The following MARCHF1 variants were observed in gnomAD, a reference collection of about 807,000 sequenced individuals.
MARCHF1 encodes membrane associated ring-CH-type finger 1, also known as E3 ubiquitin-protein ligase MARCHF1.
In MARCHF1, 40 loss-of-function variants were observed where a neutral mutation model predicts 54.2. The observed-to-expected ratio is 0.74, with a 90% CI of 0.57 to 0.96. The LOEUF (loss-of-function observed/expected upper bound fraction) is 0.96. Ranked by LOEUF, MARCHF1 falls within the 40% of genes least tolerant of loss-of-function variation. The pLI is 0.00. For missense variants in MARCHF1, 586 were observed against 656.5 expected (o/e 0.89, Z 1.17); for synonymous variants, 236 against 236.3 (o/e 1.00, Z 0.01).
At chr4:163,809,693 T>C (rs755416774) in intron 4 of MARCHF1, among the ~76,000 whole-genome samples, 4 of 152,098 alleles carry the variant, frequency 2.6e-5, no homozygotes, top group African/African-American at 4.8e-5. Context: ...ATATATCATG[T>C]ATATTATATA....
intron 5 of MARCHF1, among the ~76,000 whole-genome samples, chr4:163,629,172 G>A (rs1449321531): frequency 6.6e-6 from 1 of 152,148 alleles, no homozygotes; most frequent in Non-Finnish European, 1.5e-5. Flanking sequence ...CAAGGCTACA[G>A]TAACCAAAAC....
intron 8 of MARCHF1, among the ~76,000 whole-genome samples, chr4:163,576,170 GTGTTTAGCAC>G (rs1740030334): frequency 1.3e-5 from 2 of 149,932 alleles, no homozygotes; most frequent in Admixed American, 1.3e-4. Context: ...TTTGATGTAG[GTGTTTAGCAC>G]TATAAACTTT....
chr4:164,211,609 A>G (rs1209979201), intron 1 of MARCHF1, among the ~76,000 whole-genome samples: 3 of 152,200 alleles, frequency 2.0e-5, no homozygotes, highest in East Asian at 3.9e-4. Flanking sequence ...GTGTTTGCCA[A>G]TACAAGGCAT....
chr4:164,264,727 C>G (rs1733561063), intron 1 of MARCHF1, among the ~76,000 whole-genome samples: 1 of 151,956 alleles, frequency 6.6e-6, no homozygotes, highest in African/African-American at 2.4e-5. Context: ...CGGGACCAGG[C>G]TGGCCAACAT....
At chr4:164,230,902 T>A (rs1220712196) in intron 1 of MARCHF1, among the ~76,000 whole-genome samples, 1 of 152,142 alleles carries the variant, frequency 6.6e-6, no homozygotes, top group Non-Finnish European at 1.5e-5. Context: ...ATAATTGAAA[T>A]TTCATAATCC....
chr4:164,075,642 T>C (rs1344567897), intron 2 of MARCHF1, among the ~76,000 whole-genome samples: 1 of 152,222 alleles, frequency 6.6e-6, no homozygotes, highest in Non-Finnish European at 1.5e-5. Context: ...GATACGTAGG[T>C]CAAAGTCTAA....
At chr4:163,745,001 C>T (rs959918627) in intron 4 of MARCHF1, among the ~76,000 whole-genome samples, 3 of 152,156 alleles carry the variant, frequency 2.0e-5, no homozygotes, top group Non-Finnish European at 1.5e-5. Flanking sequence ...AAAACCAACA[C>T]CAAACTGTAG....
intron 4 of MARCHF1, among the ~76,000 whole-genome samples, chr4:163,844,993 T>C (rs1210587509): frequency 6.6e-6 from 1 of 152,160 alleles, no homozygotes; most frequent in Non-Finnish European, 1.5e-5. Flanking sequence ...ACTGGGAAGA[T>C]ATAGGACTCT....
chr4:164,170,787 A>C (rs1459795019), intron 1 of MARCHF1, among the ~76,000 whole-genome samples: 4 of 152,100 alleles, frequency 2.6e-5, no homozygotes, highest in Non-Finnish European at 4.4e-5. Flanking sequence ...AGTAGGAAAA[A>C]ATTTATTCAA....
At chr4:163,873,006 T>A (rs1360340979) in intron 3 of MARCHF1, among the ~76,000 whole-genome samples, 1 of 151,558 alleles carries the variant, frequency 6.6e-6, no homozygotes, top group Non-Finnish European at 1.5e-5. Context: ...ATCGCGCCAC[T>A]GCACTCCAGC....
intron 4 of MARCHF1, among the ~76,000 whole-genome samples, chr4:163,764,449 G>T (rs1746919030): frequency 6.6e-6 from 1 of 152,032 alleles, no homozygotes; most frequent in Non-Finnish European, 1.5e-5. Context: ...AATGTGTAAG[G>T]TTGCTAGATT....
intron 5 of MARCHF1, among the ~76,000 whole-genome samples, chr4:163,633,917 C>A (rs1193527925): frequency 4.6e-5 from 7 of 152,164 alleles, no homozygotes; most frequent in Non-Finnish European, 7.3e-5. Flanking sequence ...ACCCTACAAG[C>A]CAGAAGAGAG....
chr4:163,527,174 T>TAATC lies in MARCHF1; in HGVS notation c.*1570_*1573dup, dbSNP rs549107498. ...TTTCTTTGACAGGCTACTGTATCTA[T>TAATC]AATCACCGTTAATCTAGCTCACTGC... On this transcript the variant is annotated 3_prime_UTR_variant, in exon 10 of 10. Coordinates refer to ENST00000514618, the MANE Select transcript of MARCHF1 (RefSeq NM_001394959.1). 2.4e-4 allele frequency: 37 copies of TAATC among 152,178 alleles called. No homozygotes were observed. In the East Asian group the frequency reaches 4.8e-3, roughly 20 times the overall value. 9.4% of individuals were successfully genotyped at this position (152,178 alleles called of 1,614,324 possible).
intron 1 of MARCHF1, among the ~76,000 whole-genome samples, chr4:164,144,059 C>G (rs985584716): frequency 9.9e-5 from 15 of 152,184 alleles, no homozygotes; most frequent in Admixed American, 3.3e-4. Context: ...CAACAAAGAT[C>G]AAAAGAGACA....
chr4:163,621,852 C>G (rs1014408719), intron 5 of MARCHF1, among the ~76,000 whole-genome samples: 6 of 152,104 alleles, frequency 3.9e-5, no homozygotes, highest in African/African-American at 9.7e-5. Flanking sequence ...ATGAGGAAGA[C>G]TCACCAGGAT....
chr4:163,962,543 G>T (rs1428711899), intron 3 of MARCHF1, among the ~76,000 whole-genome samples: 1 of 151,816 alleles, frequency 6.6e-6, no homozygotes, highest in Non-Finnish European at 1.5e-5. Flanking sequence ...TGAAAAGCAG[G>T]TCTTTATTGT....
intron 5 of MARCHF1, among the ~76,000 whole-genome samples, chr4:163,629,070 C>T (rs903821485): frequency 6.6e-6 from 1 of 152,106 alleles, no homozygotes; most frequent in African/African-American, 2.4e-5. Flanking sequence ...TCATATGGAA[C>T]CAAAAAAGAA....
chr4:164,348,145 G>A (rs1345724465), intron 1 of MARCHF1, among the ~76,000 whole-genome samples: 2 of 151,972 alleles, frequency 1.3e-5, no homozygotes, highest in African/African-American at 4.8e-5. Flanking sequence ...ATAAAATCCA[G>A]ACATGTTTCT....
intron 3 of MARCHF1, among the ~76,000 whole-genome samples, chr4:163,896,702 A>C (rs1274326534): frequency 3.3e-5 from 5 of 152,150 alleles, no homozygotes; most frequent in African/African-American, 1.2e-4. Context: ...CTGGTCAAAA[A>C]TAGTTACTTT....
Sources: gnomAD v4.1 joint callset for allele counts (sites outside exome capture counted in the v4.1 genomes callset) on GRCh38, gnomAD v4.1.1 for gene constraint, MANE v1.5 for transcripts, NCBI Gene and HGNC (gene_info 2026-07-23, HGNC 2026-07-21) for gene names.